Variants in ASB3 observed in about 807,000 individuals in gnomAD.
ASB3 encodes ankyrin repeat and SOCS box protein 3.
ASB3 carries 41 observed loss-of-function variants against 54.5 expected under a neutral mutation model. That is an observed-to-expected ratio of 0.75 (90% CI 0.59 to 0.98). The LOEUF is 0.98. Among genes scored for constraint, ASB3 ranks in the 50% least tolerant of loss-of-function variants. The pLI is 0.00. For missense variants in ASB3, 733 were observed against 620.0 expected, an observed-to-expected ratio of 1.18 and a Z score of -1.94; for synonymous variants, 266 against 221.2, an observed-to-expected ratio of 1.20 and a Z score of -1.80.
intron 1 of ASB3, among the ~76,000 whole-genome samples, chr2:53,785,406 G>T (rs60771836): frequency 6.7e-6 from 1 of 150,028 alleles, no homozygotes; most frequent in African/African-American, 2.5e-5. Flanking sequence ...CATGACTTAA[G>T]ACTAGTGCTT....
At chr2:53,785,949 T>C (rs978521676) in intron 1 of ASB3, among the ~76,000 whole-genome samples, 1 of 152,170 alleles carries the variant, frequency 6.6e-6, no homozygotes. Context: ...AGTTATCTTC[T>C]TTGATACTAT....
intron 7 of ASB3, among the ~76,000 whole-genome samples, chr2:53,713,790 G>C (rs1670235609): frequency 6.6e-6 from 1 of 152,002 alleles, no homozygotes; most frequent in Non-Finnish European, 1.5e-5. Flanking sequence ...GTGTACACCT[G>C]TAGACCCAGC....
At chr2:53,688,424 G>T (rs940874999) in intron 9 of ASB3, among the ~76,000 whole-genome samples, 1 of 152,164 alleles carries the variant, frequency 6.6e-6, no homozygotes, top group African/African-American at 2.4e-5. Context: ...AATGGTTTAT[G>T]CTTTGACCAC....
intron 2 of ASB3, among the ~76,000 whole-genome samples, chr2:53,762,353 T>C (rs1673191825): frequency 6.6e-6 from 1 of 152,176 alleles, no homozygotes; most frequent in South Asian, 2.1e-4. Flanking sequence ...ACTAAACCAC[T>C]TAGAGGTTAA....
chr2:53,767,811 T>C (rs1219402036), intron 1 of ASB3: 10 of 1,528,472 alleles, frequency 6.5e-6, no homozygotes, highest in African/African-American at 1.4e-5. Flanking sequence ...GTTACTCGCT[T>C]ACCGGAGGCT....
intron 2 of ASB3, among the ~76,000 whole-genome samples, chr2:53,759,957 G>A (rs1422060265): frequency 4.6e-5 from 7 of 152,146 alleles, no homozygotes; most frequent in South Asian, 4.1e-4. Context: ...GGACACTGGC[G>A]CAGCTGTCTC....
chr2:53,692,639 T>C (rs1176222499), intron 9 of ASB3, among the ~76,000 whole-genome samples: 2 of 152,190 alleles, frequency 1.3e-5, no homozygotes, highest in African/African-American at 2.4e-5. Context: ...ACTTGCCATA[T>C]GTTAAGGTCT....
chr2:53,690,152 C>T (rs1024656496), intron 9 of ASB3, among the ~76,000 whole-genome samples: 13 of 152,078 alleles, frequency 8.5e-5, no homozygotes, highest in Non-Finnish European at 1.9e-4. Flanking sequence ...GGGAAGATTG[C>T]TTGAGCCCAG....
Position 53,748,821 on chromosome 2 carries a change from T to C in ASB3, c.355+1962A>G, listed in dbSNP as rs1672367497. Among the ~76,000 whole-genome samples the C allele has an allele frequency of 2.0e-5, 3 of 152,200 alleles. No individual in the cohort carries two copies. The South Asian group carries it at 6.2e-4, about 31-fold the overall frequency. On this transcript the variant is annotated intron_variant, in intron 3 of 9. Transcript: ENST00000263634. ...CATCACGGACCAAAATCTTTTTTTCTGTTGCTATAAAAGACATTCACGAAA... is the reference window on the plus strand; with the variant it reads ...CATCACGGACCAAAATCTTTTTTTCCGTTGCTATAAAAGACATTCACGAAA...
At chr2:53,748,957 C>A (rs1441417627) in intron 3 of ASB3, among the ~76,000 whole-genome samples, 1 of 151,904 alleles carries the variant, frequency 6.6e-6, no homozygotes, top group Non-Finnish European at 1.5e-5. Flanking sequence ...TAGGAGTTCA[C>A]ACTGAAGTAG....
chr2:53,750,676 A>C, intron 3 of ASB3, 107 bp downstream of exon 3: 1 of 1,240,302 alleles, frequency 8.1e-7, no homozygotes, highest in African/African-American at 1.6e-5. Context: ...GATAGTTGCC[A>C]AAAGAACATA....
intron 1 of ASB3, among the ~76,000 whole-genome samples, chr2:53,777,337 G>C (rs1389267257): frequency 6.6e-6 from 1 of 152,146 alleles, no homozygotes. Context: ...CCCAAAGATT[G>C]CAATTTTCAT....
intron 1 of ASB3, among the ~76,000 whole-genome samples, chr2:53,785,010 T>C (rs1394918021): frequency 1.3e-5 from 2 of 152,284 alleles, no homozygotes; most frequent in Non-Finnish European, 2.9e-5. Flanking sequence ...CTTCTACCAC[T>C]TTCCTCTTAC....
intron 1 of ASB3, among the ~76,000 whole-genome samples, chr2:53,768,779 ATAT>A (rs1342939820): frequency 5.9e-5 from 9 of 152,250 alleles, no homozygotes; most frequent in Non-Finnish European, 1.2e-4. Context: ...TAATCTCAAT[ATAT>A]GTATAGAGAA....
At chr2:53,782,475 C>G (rs1385986932) in intron 1 of ASB3, among the ~76,000 whole-genome samples, 1 of 152,100 alleles carries the variant, frequency 6.6e-6, no homozygotes. Context: ...GGACTAAAAT[C>G]AGAATTATTA....
At chr2:53,687,914 C>G (rs1668715112) in intron 9 of ASB3, among the ~76,000 whole-genome samples, 1 of 152,142 alleles carries the variant, frequency 6.6e-6, no homozygotes, top group Non-Finnish European at 1.5e-5. Context: ...CTCCTGGGCT[C>G]AAGCGATCCT....
intron 3 of ASB3, among the ~76,000 whole-genome samples, chr2:53,745,041 G>T (rs1055726802): frequency 1.3e-5 from 2 of 152,198 alleles, no homozygotes; most frequent in Non-Finnish European, 2.9e-5. Flanking sequence ...ACACTAGTTT[G>T]GATTTGAGCC....
At chr2:53,698,778 A>C (rs1184648040) in intron 8 of ASB3, among the ~76,000 whole-genome samples, 1 of 152,222 alleles carries the variant, frequency 6.6e-6, no homozygotes, top group Non-Finnish European at 1.5e-5. Flanking sequence ...ATCTCTAAGA[A>C]GGTTGAGACT....
intron 2 of ASB3, among the ~76,000 whole-genome samples, chr2:53,760,307 T>A (rs1229630196): frequency 6.6e-6 from 1 of 152,058 alleles, no homozygotes; most frequent in Non-Finnish European, 1.5e-5. Context: ...CTATCAAACA[T>A]CAGGAAGACA....
Sources: gnomAD v4.1 joint callset for allele counts (sites outside exome capture counted in the v4.1 genomes callset) on GRCh38, gnomAD v4.1.1 for gene constraint, MANE v1.5 for transcripts, NCBI Gene and HGNC (gene_info 2026-07-23, HGNC 2026-07-21) for gene names.